The following PTPRM variants were observed in gnomAD, a reference collection of about 807,000 sequenced individuals.
The protein encoded by PTPRM is receptor-type tyrosine-protein phosphatase mu.
A neutral mutation model predicts 186.7 loss-of-function variants in PTPRM; 47 were observed. The ratio of observed to expected loss-of-function variants is 0.25; its 90% CI spans 0.20 to 0.32. The LOEUF is 0.32. Ranked by LOEUF, PTPRM falls within the 10% of genes least tolerant of loss-of-function variation. The pLI is 1.00. For missense variants in PTPRM, 1,494 were observed against 1,865.0 expected (o/e 0.80, Z 3.66); for synonymous variants, 668 against 674.9 (o/e 0.99, Z 0.16).
At chr18:8,406,020 C>T in intron 32 of PTPRM, 89 bp from the exon 33 acceptor site, 2 of 1,137,526 alleles carry the variant, frequency 1.8e-6, no homozygotes, top group East Asian at 2.3e-5. Flanking sequence ...TTGATGTCTT[C>T]CCATTAAGAC....
chr18:8,356,583 G>C (rs1428503570), intron 23 of PTPRM, among the ~76,000 whole-genome samples: 1 of 152,210 alleles, frequency 6.6e-6, no homozygotes, highest in East Asian at 1.9e-4. Context: ...CATGGGCTGA[G>C]AAGCTGGACG....
At chr18:8,090,679 T>G (rs1389400532) in intron 11 of PTPRM, among the ~76,000 whole-genome samples, 1 of 152,190 alleles carries the variant, frequency 6.6e-6, no homozygotes, top group Non-Finnish European at 1.5e-5. Context: ...CACTGCAGCC[T>G]CTGCCTCCCA....
At chr18:7,965,075 TG>T (rs35705564) in intron 7 of PTPRM, among the ~76,000 whole-genome samples, 60,683 of 145,066 alleles carry the variant, frequency 0.42, 13,511 homozygotes, top group African/African-American at 0.53. Context: ...TTCGCTCTTG[TG>T]TACCCAGGCT....
At chr18:8,068,837 C>T (rs769002992) in intron 7 of PTPRM, among the ~76,000 whole-genome samples, 20 of 152,128 alleles carry the variant, frequency 1.3e-4, no homozygotes, top group Non-Finnish European at 2.6e-4. Flanking sequence ...TGGTGGCACA[C>T]GCCTGTAGTC....
intron 1 of PTPRM, among the ~76,000 whole-genome samples, chr18:7,763,627 A>G (rs953941210): frequency 6.6e-6 from 1 of 152,212 alleles, no homozygotes; most frequent in African/African-American, 2.4e-5. Flanking sequence ...ATTGGAATGA[A>G]TATTTTACCG....
intron 1 of PTPRM, among the ~76,000 whole-genome samples, chr18:7,712,008 T>C (rs1045223545): frequency 6.6e-6 from 1 of 151,840 alleles, no homozygotes; most frequent in African/African-American, 2.4e-5. Flanking sequence ...CCTCCATAAG[T>C]GTAAGGGAGC....
rs2051195714 is a variant in PTPRM at position 7,926,741 on chromosome 18, CT to C, written c.663+59del. On this transcript the variant is annotated intron_variant, in intron 5 of 32. Transcript: ENST00000580170. ...GTCCAGCGGGAAGAATACACTCCCC[CT>C]GGAGGAGGAACCCAGAGAAACAGAC... 9 of 1,298,488 alleles carry C rather than the reference CT, an allele frequency of 6.9e-6. No homozygotes were observed. In the East Asian group the frequency reaches 1.5e-4, roughly 21 times the overall value. 80.4% of individuals were successfully genotyped at this position (1,298,488 alleles called of 1,614,324 possible). A position where few individuals can be genotyped will look rare whatever the true frequency, so the allele number is the denominator to read the frequency against.
At chr18:7,973,452 T>C (rs1465875620) in intron 7 of PTPRM, among the ~76,000 whole-genome samples, 2 of 152,218 alleles carry the variant, frequency 1.3e-5, no homozygotes, top group Admixed American at 6.5e-5. Flanking sequence ...AAATTATATG[T>C]TCTTGTTTTA....
At chr18:7,740,604 GA>G (rs1276167735) in intron 1 of PTPRM, among the ~76,000 whole-genome samples, 1 of 152,074 alleles carries the variant, frequency 6.6e-6, no homozygotes, top group Non-Finnish European at 1.5e-5. Flanking sequence ...AATTTATGTA[GA>G]GATAGAATCT....
chr18:8,008,773 T>TC (rs1392330029), intron 7 of PTPRM, among the ~76,000 whole-genome samples: 1 of 152,152 alleles, frequency 6.6e-6, no homozygotes, highest in African/African-American at 2.4e-5. Flanking sequence ...TGCTTAGAGA[T>TC]CCACACTGAC....
At chr18:8,078,904 C>T (rs1252786154) in intron 9 of PTPRM, among the ~76,000 whole-genome samples, 2 of 152,154 alleles carry the variant, frequency 1.3e-5, no homozygotes, top group Admixed American at 6.5e-5. Flanking sequence ...GGCCCAAAGC[C>T]GTTCACGAAG....
At chr18:7,928,642 TATG>T (rs772323881) in intron 5 of PTPRM, among the ~76,000 whole-genome samples, 6 of 152,350 alleles carry the variant, frequency 3.9e-5, no homozygotes, top group Non-Finnish European at 5.9e-5. Flanking sequence ...TCCTAATATT[TATG>T]ATATTACTTG....
intron 1 of PTPRM, among the ~76,000 whole-genome samples, chr18:7,715,826 G>T (rs2040316132): frequency 6.6e-6 from 1 of 152,110 alleles, no homozygotes; most frequent in Non-Finnish European, 1.5e-5. Context: ...TCTTCAAGGA[G>T]AACTACAAAC....
At chr18:7,822,273 G>A (rs2045241280) in intron 2 of PTPRM, among the ~76,000 whole-genome samples, 1 of 152,082 alleles carries the variant, frequency 6.6e-6, no homozygotes, top group African/African-American at 2.4e-5. Context: ...AGAATGCCTG[G>A]CCTGGGCTAT....
At chr18:7,898,625 G>C (rs1599370016) in intron 3 of PTPRM, among the ~76,000 whole-genome samples, 1 of 152,082 alleles carries the variant, frequency 6.6e-6, no homozygotes. Flanking sequence ...AAAGCAAATG[G>C]CTTTTCCCAC....
intron 32 of PTPRM, among the ~76,000 whole-genome samples, chr18:8,397,453 C>G (rs539698657): frequency 1.3e-5 from 2 of 152,360 alleles, no homozygotes; most frequent in South Asian, 2.1e-4. Context: ...AAATTTTTAG[C>G]TTTGGGAGCT....
Position 7,834,901 on chromosome 18 carries a change from G to A in PTPRM, c.197-53205G>A, listed in dbSNP as rs1339066055. Reference sequence around the variant, plus strand: ...AGATTTTCCAATTTATTGGCATATAGTTGCTCATAATAGCCACTAATGGTT... The same window carrying A: ...AGATTTTCCAATTTATTGGCATATAATTGCTCATAATAGCCACTAATGGTT... On this transcript the variant is annotated intron_variant, in intron 2 of 32. Transcript: ENST00000580170. Among the ~76,000 whole-genome samples, 3 of 149,776 alleles carry A rather than the reference G, an allele frequency of 2.0e-5. No homozygotes were observed. The East Asian group carries it at 5.9e-4, about 29-fold the overall frequency.
At chr18:7,753,075 C>T (rs1340729080) in intron 1 of PTPRM, among the ~76,000 whole-genome samples, 2 of 151,976 alleles carry the variant, frequency 1.3e-5, no homozygotes, top group African/African-American at 4.8e-5. Flanking sequence ...AGAACCAAAA[C>T]CAGTTTGGAA....
At chr18:8,255,190 G>A (rs919393286) in intron 19 of PTPRM, among the ~76,000 whole-genome samples, 4 of 152,156 alleles carry the variant, frequency 2.6e-5, no homozygotes, top group African/African-American at 9.7e-5. Flanking sequence ...AAAAATATAA[G>A]CCTAATGAAT....
Sources: allele counts gnomAD v4.1 joint callset (sites outside exome capture counted in the v4.1 genomes callset), GRCh38; gene constraint gnomAD v4.1.1; transcripts MANE v1.5; gene names NCBI Gene and HGNC (gene_info 2026-07-23, HGNC 2026-07-21).